Variants in SCFD2 observed in about 807,000 individuals in gnomAD.
SCFD2 encodes the protein sec1 family domain-containing protein 2.
Under a neutral mutation model 58.9 loss-of-function variants are expected in SCFD2, and 54 were observed. The ratio of observed to expected loss-of-function variants is 0.92; its 90% CI spans 0.74 to 1.15. SCFD2 has a LOEUF of 1.15. Among genes scored for constraint, SCFD2 ranks in the 50% most tolerant of loss-of-function variants. The pLI is 0.00. For missense variants in SCFD2, 805 were observed against 836.6 expected (o/e 0.96, Z 0.47); for synonymous variants, 321 against 335.9 (o/e 0.96, Z 0.49).
chr4:52,886,940 T>C (rs1718754004), intron 7 of SCFD2, among the ~76,000 whole-genome samples: 1 of 152,218 alleles, frequency 6.6e-6, no homozygotes, highest in Non-Finnish European at 1.5e-5. Context: ...GTTGCATGGC[T>C]CTGTATATTT....
chr4:53,006,305 T>C (rs1425324081), intron 5 of SCFD2, among the ~76,000 whole-genome samples: 1 of 152,208 alleles, frequency 6.6e-6, no homozygotes, highest in Non-Finnish European at 1.5e-5. Flanking sequence ...TTGCTCCACC[T>C]AAAATTGGCT....
At chr4:53,242,280 G>A (rs773475558) in intron 4 of SCFD2, among the ~76,000 whole-genome samples, 31 of 152,188 alleles carry the variant, frequency 2.0e-4, no homozygotes, top group Admixed American at 7.9e-4. Context: ...AAGTGCAGCC[G>A]GTTCCTAACC....
At chr4:53,225,028 C>A (rs993301100) in intron 4 of SCFD2, among the ~76,000 whole-genome samples, 6 of 152,186 alleles carry the variant, frequency 3.9e-5, no homozygotes, top group Middle Eastern at 3.4e-3. Context: ...TTCCATCAAT[C>A]TCACTGTAAA....
intron 3 of SCFD2, among the ~76,000 whole-genome samples, chr4:53,291,787 G>C (rs1197545149): frequency 2.0e-5 from 3 of 151,874 alleles, no homozygotes; most frequent in Non-Finnish European, 4.4e-5. Flanking sequence ...CAGACACATA[G>C]ACCAGTAGAA....
At chr4:52,937,400 G>A (rs1720166341) in intron 5 of SCFD2, among the ~76,000 whole-genome samples, 1 of 152,126 alleles carries the variant, frequency 6.6e-6, no homozygotes, top group Admixed American at 6.6e-5. Context: ...TGGAAAGGAA[G>A]GCACATTCAC....
intron 3 of SCFD2, among the ~76,000 whole-genome samples, chr4:53,279,283 C>T (rs1353816880): frequency 6.6e-6 from 1 of 152,060 alleles, no homozygotes; most frequent in African/African-American, 2.4e-5. Context: ...CTTTATTTTT[C>T]TTTCTTCTTA....
intron 3 of SCFD2, among the ~76,000 whole-genome samples, chr4:53,278,865 G>A (rs1024223316): frequency 7.2e-6 from 1 of 138,198 alleles, no homozygotes; most frequent in African/African-American, 2.7e-5. Context: ...AAGTTAAAAA[G>A]TAATTCACAC....
At chr4:53,089,941 T>C (rs766024779) in intron 5 of SCFD2, among the ~76,000 whole-genome samples, 3 of 152,172 alleles carry the variant, frequency 2.0e-5, no homozygotes, top group African/African-American at 4.8e-5. Context: ...TAAAAGGAAA[T>C]TAATTTTAAA....
intron 4 of SCFD2, among the ~76,000 whole-genome samples, chr4:53,158,673 A>G (rs1424263714): frequency 6.6e-6 from 1 of 152,194 alleles, no homozygotes; most frequent in African/African-American, 2.4e-5. Context: ...AAACTGATCC[A>G]CTTAAAATTA....
At chr4:53,186,892 A>G (rs750151573) in intron 4 of SCFD2, among the ~76,000 whole-genome samples, 1 of 152,124 alleles carries the variant, frequency 6.6e-6, no homozygotes, top group African/African-American at 2.4e-5. Context: ...ACGGTTGCAC[A>G]GTGGAATGAA....
chr4:53,350,139 A>G (rs1734171049), intron 2 of SCFD2, among the ~76,000 whole-genome samples: 1 of 152,136 alleles, frequency 6.6e-6, no homozygotes, highest in Non-Finnish European at 1.5e-5. Context: ...GGCATCTACT[A>G]TTTTTGCATG....
intron 4 of SCFD2, among the ~76,000 whole-genome samples, chr4:53,166,066 C>T (rs1354647037): frequency 2.0e-5 from 3 of 152,192 alleles, no homozygotes; most frequent in Admixed American, 2.0e-4. Context: ...TTTAGCATGT[C>T]TTAAAAATTC....
intron 5 of SCFD2, among the ~76,000 whole-genome samples, chr4:53,009,761 G>T (rs75908174): frequency 1.3e-5 from 2 of 152,140 alleles, no homozygotes; most frequent in East Asian, 3.9e-4. Flanking sequence ...ATCACCCCCT[G>T]CTTCCCTTTA....
rs1401925067 is a variant in SCFD2, at chr4:53,175,225, G to A, written c.1312-29643C>T. Reference sequence around the variant, plus strand: ...AAAGCAAATATGAATACAGAAATAAGTTTTATTTCTTAAAACAAAGCCATG... The same window carrying A: ...AAAGCAAATATGAATACAGAAATAAATTTTATTTCTTAAAACAAAGCCATG... On this transcript the variant is annotated intron_variant, in intron 4 of 8. Coordinates refer to ENST00000401642, the MANE Select transcript of SCFD2 (RefSeq NM_152540.4). Among the ~76,000 whole-genome samples the A allele has an allele frequency of 3.9e-5, 6 of 152,236 alleles. No individual in the cohort carries two copies. In the South Asian group the frequency reaches 1.2e-3, roughly 32 times the overall value.
chr4:53,238,460 C>A (rs1156608437), intron 4 of SCFD2, among the ~76,000 whole-genome samples: 1 of 151,210 alleles, frequency 6.6e-6, no homozygotes, highest in African/African-American at 2.4e-5. Flanking sequence ...GCTGACCCCC[C>A]CACCTCCCTC....
intron 8 of SCFD2, among the ~76,000 whole-genome samples, chr4:52,880,616 CAA>C (rs33961681): frequency 1.5e-3 from 173 of 119,100 alleles, no homozygotes; most frequent in South Asian, 4.5e-3. Context: ...GACCCTGTCT[CAA>C]AAAAAAAAAA....
At chr4:53,340,009 A>G (rs1453225783) in intron 2 of SCFD2, among the ~76,000 whole-genome samples, 3 of 152,202 alleles carry the variant, frequency 2.0e-5, no homozygotes, top group Non-Finnish European at 4.4e-5. Context: ...CCGAATAGGA[A>G]CAGCTCCAGT....
intron 4 of SCFD2, among the ~76,000 whole-genome samples, chr4:53,197,112 G>A (rs1327998737): frequency 1.3e-5 from 2 of 152,056 alleles, no homozygotes; most frequent in African/African-American, 4.8e-5. Context: ...TCATCCCAAA[G>A]CATGGCGGGG....
intron 1 of SCFD2, among the ~76,000 whole-genome samples, chr4:53,363,226 T>C (rs931712331): frequency 6.6e-6 from 1 of 152,052 alleles, no homozygotes; most frequent in Non-Finnish European, 1.5e-5. Context: ...ACCTCTGCCT[T>C]CTGGGCTCAA....
Sources: allele counts gnomAD v4.1 joint callset (sites outside exome capture counted in the v4.1 genomes callset), GRCh38; gene constraint gnomAD v4.1.1; transcripts MANE v1.5; gene names NCBI Gene and HGNC (gene_info 2026-07-23, HGNC 2026-07-21).